PELI2: variants seen among roughly 807,000 people sequenced by gnomAD.
The protein encoded by PELI2 is pellino E3 ubiquitin protein ligase family member 2, also known as E3 ubiquitin-protein ligase pellino homolog 2.
In PELI2, 23 loss-of-function variants were observed where a neutral mutation model predicts 42.3. The observed-to-expected ratio is 0.54, with a 90% CI of 0.39 to 0.77. The LOEUF is 0.77. Ranked by LOEUF, PELI2 falls within the 30% of genes least tolerant of loss-of-function variation. PELI2 has a pLI of 0.00. For missense variants in PELI2, 463 were observed against 553.2 expected (o/e 0.84, Z 1.64); for synonymous variants, 245 against 212.2 (o/e 1.15, Z -1.34).
chr14:56,271,765 G>C (rs539693348), intron 2 of PELI2, among the ~76,000 whole-genome samples: 1 of 152,308 alleles, frequency 6.6e-6, no homozygotes, highest in African/African-American at 2.4e-5. Flanking sequence ...AGAGCGTTCA[G>C]GACGTTTCCT....
chr14:56,278,224 A>G (rs1889358738), intron 2 of PELI2, among the ~76,000 whole-genome samples: 1 of 152,214 alleles, frequency 6.6e-6, no homozygotes, highest in South Asian at 2.1e-4. Flanking sequence ...ATTAAGATAA[A>G]CATGTACTTT....
chr14:56,147,278 T>C (rs147626264), intron 1 of PELI2, among the ~76,000 whole-genome samples: 13 of 152,344 alleles, frequency 8.5e-5, no homozygotes, highest in African/African-American at 2.4e-4. Flanking sequence ...CTTGCAACTC[T>C]TTGCATGGAT....
chr14:56,132,361 C>T (rs971110020), intron 1 of PELI2, among the ~76,000 whole-genome samples: 31 of 152,184 alleles, frequency 2.0e-4, no homozygotes, highest in African/African-American at 6.8e-4. Context: ...GCTGTATCAT[C>T]GTCCATAATA....
intron 1 of PELI2, among the ~76,000 whole-genome samples, chr14:56,155,286 T>C (rs547653672): frequency 6.6e-6 from 1 of 152,230 alleles, no homozygotes; most frequent in South Asian, 2.1e-4. Flanking sequence ...TTAGGAACAT[T>C]ATTCCTGATT....
intron 2 of PELI2, among the ~76,000 whole-genome samples, chr14:56,269,060 T>A (rs903136644): frequency 9.9e-5 from 15 of 152,174 alleles, no homozygotes; most frequent in African/African-American, 3.6e-4. Context: ...TTTATATAGA[T>A]ATGTGACTGA....
At chr14:56,188,478 A>G (rs931628864) in intron 2 of PELI2, among the ~76,000 whole-genome samples, 3 of 152,184 alleles carry the variant, frequency 2.0e-5, no homozygotes, top group African/African-American at 4.8e-5. Flanking sequence ...ATTTCCCTGT[A>G]TCATAAAATG....
intron 1 of PELI2, among the ~76,000 whole-genome samples, chr14:56,121,077 A>T (rs1349421141): frequency 2.0e-5 from 3 of 152,316 alleles, no homozygotes; most frequent in South Asian, 2.1e-4. Flanking sequence ...ATTCACATAG[A>T]ATTAATATCA....
intron 2 of PELI2, among the ~76,000 whole-genome samples, chr14:56,210,460 T>A (rs1490601231): frequency 6.6e-6 from 1 of 152,108 alleles, no homozygotes; most frequent in East Asian, 1.9e-4. Flanking sequence ...TACTTGTATT[T>A]CTTAAGTTAA....
intron 1 of PELI2, among the ~76,000 whole-genome samples, chr14:56,147,117 A>G (rs960826601): frequency 3.3e-5 from 5 of 152,210 alleles, no homozygotes; most frequent in African/African-American, 1.2e-4. Flanking sequence ...TCCATGTTGT[A>G]GCATGTATCA....
chr14:56,169,912 C>G (rs1298844928), intron 1 of PELI2, among the ~76,000 whole-genome samples: 1 of 152,202 alleles, frequency 6.6e-6, no homozygotes, highest in Non-Finnish European at 1.5e-5. Context: ...ACTATAATTT[C>G]ATAAAACCAA....
At chr14:56,277,089 A>G (rs1384811194) in intron 2 of PELI2, among the ~76,000 whole-genome samples, 2 of 152,224 alleles carry the variant, frequency 1.3e-5, no homozygotes, top group East Asian at 3.8e-4. Context: ...TGCAGCCTAT[A>G]AAATGGCTGT....
At chr14:56,150,454 C>G (rs1266334868) in intron 1 of PELI2, among the ~76,000 whole-genome samples, 1 of 151,862 alleles carries the variant, frequency 6.6e-6, no homozygotes, top group Non-Finnish European at 1.5e-5. Flanking sequence ...ACTCAGTAGT[C>G]ACTTTAAGAT....
At position 56,129,827 on chromosome 14, in the gene PELI2, A is replaced by G. The variant is rs577108751; in HGVS notation, c.77+11090A>G. Among the ~76,000 whole-genome samples the G allele has an allele frequency of 7.2e-5, 11 of 152,266 alleles. No individual in the cohort carries two copies. In the East Asian group the frequency reaches 2.1e-3, roughly 29 times the overall value. On this transcript the variant is annotated intron_variant, in intron 1 of 5. Coordinates refer to ENST00000267460, the MANE Select transcript of PELI2 (RefSeq NM_021255.3). The stretch of plus-strand genomic sequence containing the variant: ...TTTAGCCCCCAGACCAGCCCCTCTG[A>G]GGGTGTAATTGATCCCATTGCTGGA...
At chr14:56,129,342 C>G (rs1461677505) in intron 1 of PELI2, among the ~76,000 whole-genome samples, 1 of 152,224 alleles carries the variant, frequency 6.6e-6, no homozygotes, top group African/African-American at 2.4e-5. Flanking sequence ...GGGCGTAGCC[C>G]CCTTCTGTGC....
rs551316875 is a variant in PELI2 at position 56,272,368 on chromosome 14, C to T, written c.208-7308C>T. On this transcript the variant is annotated intron_variant, in intron 2 of 5. Coordinates refer to ENST00000267460, the MANE Select transcript of PELI2 (RefSeq NM_021255.3). ...ATGTATGTGCGTGCATGCATACACA[C>T]ACGCATGCACACCGCATTCCCTTAA... 3.9e-5 allele frequency among the ~76,000 whole-genome samples: 6 copies of T among 152,354 alleles called. No homozygotes were observed. The South Asian group carries it at 1.2e-3, about 32-fold the overall frequency.
intron 2 of PELI2, among the ~76,000 whole-genome samples, chr14:56,202,850 C>G (rs1053658368): frequency 6.6e-6 from 1 of 152,102 alleles, no homozygotes; most frequent in African/African-American, 2.4e-5. Flanking sequence ...TGCCAGATAC[C>G]TGTCCTGGTC....
intron 2 of PELI2, among the ~76,000 whole-genome samples, chr14:56,249,308 T>C (rs71414111): frequency 5.3e-5 from 8 of 152,152 alleles, no homozygotes; most frequent in African/African-American, 1.9e-4. Flanking sequence ...CCCTCTTTCA[T>C]TTAACATCCT....
intron 2 of PELI2, among the ~76,000 whole-genome samples, chr14:56,187,113 C>A (rs1487693673): frequency 6.6e-6 from 1 of 152,142 alleles, no homozygotes; most frequent in Non-Finnish European, 1.5e-5. Flanking sequence ...AAGCCAGGTG[C>A]GCTACCCAGG....
In PELI2 at chr14:56,118,556, C is replaced by G; in HGVS notation, c.-105C>G. On this transcript the variant is annotated 5_prime_UTR_variant, in exon 1 of 6. Transcript: ENST00000267460. ...CGCCGCCGTGCCCTTCCCCGGCGCGCTCACCCCGTTCTCGGGATGGGATTG... is the reference window on the plus strand; with the variant it reads ...CGCCGCCGTGCCCTTCCCCGGCGCGGTCACCCCGTTCTCGGGATGGGATTG... The G allele has an allele frequency of 1.5e-6, 1 of 672,522 alleles. No individual in the cohort carries two copies. Among genetic ancestry groups the G allele is most frequent in the East Asian group, 3.8e-5 (1 of 26,170 alleles). The allele number at this position is 672,522 out of a possible 1,614,324, so 41.7% of individuals were successfully genotyped here. A position where few individuals can be genotyped will look rare whatever the true frequency, so the allele number is the denominator to read the frequency against.
Sources: gnomAD v4.1 joint callset for allele counts (sites outside exome capture counted in the v4.1 genomes callset) on GRCh38, gnomAD v4.1.1 for gene constraint, MANE v1.5 for transcripts, NCBI Gene and HGNC (gene_info 2026-07-23, HGNC 2026-07-21) for gene names.